Variants in BTBD1 observed in about 807,000 individuals in gnomAD.
BTBD1 encodes the protein BTB domain containing 1.
A neutral mutation model predicts 48.0 loss-of-function variants in BTBD1; 34 were observed. The observed-to-expected ratio is 0.71, with a 90% CI of 0.54 to 0.94. BTBD1 has a LOEUF of 0.94. BTBD1 is among the 40% of genes least tolerant of loss of function. BTBD1 has a pLI of 0.00. For missense variants in BTBD1, 543 were observed against 625.6 expected, an observed-to-expected ratio of 0.87 and a Z score of 1.41; for synonymous variants, 261 against 242.1, an observed-to-expected ratio of 1.08 and a Z score of -0.72.
intron 1 of BTBD1, 102 bp from the exon 2 acceptor site, chr15:83,056,647 TTA>T (rs1280279680): frequency 1.6e-5 from 17 of 1,052,294 alleles, no homozygotes; most frequent in Admixed American, 1.2e-4. Flanking sequence ...TATTTTTATT[TTA>T]TGTTTTCATC....
At chr15:83,020,979 G>T (rs865965176) in intron 5 of BTBD1, among the ~76,000 whole-genome samples, 3 of 152,184 alleles carry the variant, frequency 2.0e-5, no homozygotes, top group Non-Finnish European at 4.4e-5. Flanking sequence ...TTTTGTAAAA[G>T]AATTTAACCT....
At chr15:83,018,293 AATTAG>A (rs1257127798) in intron 7 of BTBD1, 68 bp from the exon 8 acceptor site, 14 of 1,213,630 alleles carry the variant, frequency 1.2e-5, no homozygotes, top group Admixed American at 2.6e-5. Context: ...GTGGTGTTTT[AATTAG>A]ATTAATGTTC....
At chr15:83,043,181 A>C (rs1335395482) in intron 3 of BTBD1, among the ~76,000 whole-genome samples, 1 of 152,224 alleles carries the variant, frequency 6.6e-6, no homozygotes, top group East Asian at 1.9e-4. Flanking sequence ...TGGTTTAGGC[A>C]GGCTTCACTT....
chr15:83,019,862 T>G (rs867735476), intron 6 of BTBD1, among the ~76,000 whole-genome samples: 9 of 148,210 alleles, frequency 6.1e-5, no homozygotes, highest in Non-Finnish European at 1.2e-4. Context: ...CCCAAAGTGC[T>G]AGGAGGCCGA....
chr15:83,057,325 CTTA>C (rs1267613076), intron 1 of BTBD1, among the ~76,000 whole-genome samples: 12 of 152,108 alleles, frequency 7.9e-5, no homozygotes, highest in Non-Finnish European at 1.5e-4. Flanking sequence ...AGCCATGTGA[CTTA>C]TTATCAATGC....
At chr15:83,031,680 T>G (rs1320980684) in intron 4 of BTBD1, among the ~76,000 whole-genome samples, 1 of 151,982 alleles carries the variant, frequency 6.6e-6, no homozygotes, top group Admixed American at 6.6e-5. Flanking sequence ...CTAATGTAAA[T>G]GACAAGTTAA....
chr15:83,041,738 T>C lies in BTBD1; in HGVS notation c.852A>G (p.Glu284=), dbSNP rs1341845672. The C allele has an allele frequency of 1.9e-6, 3 of 1,614,122 alleles. No homozygotes were observed. Among genetic ancestry groups the C allele is most frequent in the Non-Finnish European group, 2.5e-6 (3 of 1,179,958 alleles). The change falls in exon 4 of 8, where the codon GAA becomes GAG. Residue 284 remains glutamate (E), a synonymous_variant. Coordinates refer to ENST00000261721, the MANE Select transcript of BTBD1 (RefSeq NM_025238.4). ...AATTTATACCCTTACCTGCTGCAAA[T>C]TCCTCAATTGTCATCAGTGGGAACC... ...LIRFPLMTIE[E]FAAGPAQSGI... is the part of the protein sequence containing the mutation.
chr15:83,034,652 A>C (rs917180859), intron 4 of BTBD1, among the ~76,000 whole-genome samples: 1 of 152,092 alleles, frequency 6.6e-6, no homozygotes, highest in Non-Finnish European at 1.5e-5. Context: ...ATAAGTTTAG[A>C]TTTAAGATGA....
intron 4 of BTBD1, among the ~76,000 whole-genome samples, chr15:83,040,699 CAAAA>C (rs71156070): frequency 1.7e-5 from 1 of 57,228 alleles, no homozygotes; most frequent in Non-Finnish European, 3.5e-5. Context: ...GACCCTGTCT[CAAAA>C]AAAAAAAAAA....
chr15:83,064,932 G>C (rs1292713065), intron 1 of BTBD1, among the ~76,000 whole-genome samples: 1 of 152,090 alleles, frequency 6.6e-6, no homozygotes, highest in South Asian at 2.1e-4. Context: ...AAGAAAAAAA[G>C]GTACTTTCAT....
chr15:83,054,292 G>A (rs182523801), intron 2 of BTBD1, among the ~76,000 whole-genome samples: 8 of 152,052 alleles, frequency 5.3e-5, no homozygotes, highest in Non-Finnish European at 1.0e-4. Context: ...GAGCCGAACT[G>A]CACCACTGCA....
At chr15:83,020,930 C>G (rs1284703784) in intron 5 of BTBD1, 168 bp from the exon 6 acceptor site, 1 of 506,470 alleles carries the variant, frequency 2.0e-6, no homozygotes, top group Non-Finnish European at 3.4e-6. Flanking sequence ...AAAAAGCTTT[C>G]TAGAGCAGAT....
At chr15:83,019,998 A>C (rs968339737) in intron 6 of BTBD1, 2 of 140,096 alleles carry the variant, frequency 1.4e-5, no homozygotes, top group Non-Finnish European at 3.0e-5. Context: ...AAAAAAAAAG[A>C]AGCAGGGGCC....
intron 1 of BTBD1, 118 bp from the exon 2 acceptor site, chr15:83,056,663 C>T: frequency 3.6e-6 from 3 of 829,216 alleles, no homozygotes; most frequent in South Asian, 3.6e-5. Context: ...TTTCATCCAT[C>T]CATCCACCCA....
In BTBD1 at chr15:83,035,225, C is replaced by T. The variant is rs543354496; in HGVS notation, c.863-4897G>A. Among the ~76,000 whole-genome samples the T allele has an allele frequency of 1.1e-3, 160 of 151,974 alleles. 1 individual carries two copies. Among genetic ancestry groups the T allele is most frequent in the African/African-American group, 3.7e-3 (153 of 41,452 alleles). ...AGGAGAATCGTTGGACCCCAGGAGG[C>T]GGAGGTTACAGTGAGCCAAGATCAT... is the stretch of plus-strand genomic sequence containing the variant. On this transcript the variant is annotated intron_variant, in intron 4 of 7. Transcript: ENST00000261721.
chr15:83,041,527 C>G (rs1217166117), intron 4 of BTBD1, among the ~76,000 whole-genome samples: 1 of 152,032 alleles, frequency 6.6e-6, no homozygotes, highest in Non-Finnish European at 1.5e-5. Flanking sequence ...AGGTGCCCAC[C>G]ACCATGCCTA....
chr15:83,038,192 G>A (rs1040405011), intron 4 of BTBD1, among the ~76,000 whole-genome samples: 8 of 152,070 alleles, frequency 5.3e-5, no homozygotes, highest in Admixed American at 4.6e-4. Context: ...ATTTCTATAC[G>A]CCAGTAACGT....
At chr15:83,026,285 T>C (rs1315392709) in intron 5 of BTBD1, among the ~76,000 whole-genome samples, 1 of 152,122 alleles carries the variant, frequency 6.6e-6, no homozygotes, top group Non-Finnish European at 1.5e-5. Flanking sequence ...GGACCAGTTG[T>C]TCTCAAAACG....
In BTBD1 at chr15:83,050,430, TTGTGTG is replaced by T. The variant is rs71927319; in HGVS notation, c.559-258_559-253del. Reference sequence around the variant, plus strand: ...TACCAATCCTGTTATTTTTATGTGCTTGTGTGTGTGTGTGTGTGTGTGTGTGTGTGT... The same window carrying T: ...TACCAATCCTGTTATTTTTATGTGCTTGTGTGTGTGTGTGTGTGTGTGTGT... On this transcript the variant is annotated intron_variant, in intron 2 of 7. Transcript: ENST00000261721. Among the ~76,000 whole-genome samples the T allele has an allele frequency of 4.5e-3, 665 of 146,186 alleles. 2 individuals carry two copies. Among genetic ancestry groups the T allele is most frequent in the African/African-American group, 8.4e-3 (334 of 39,816 alleles).
Sources: gnomAD v4.1 joint callset for allele counts (sites outside exome capture counted in the v4.1 genomes callset) on GRCh38, gnomAD v4.1.1 for gene constraint, MANE v1.5 for transcripts, NCBI Gene and HGNC (gene_info 2026-07-23, HGNC 2026-07-21) for gene names.